Variants in DENND1B observed in about 807,000 individuals in gnomAD.
The protein encoded by DENND1B is DENN domain containing 1B.
DENND1B carries 59 observed loss-of-function variants against 90.1 expected under a neutral mutation model. That is an observed-to-expected ratio of 0.65 (90% CI 0.53 to 0.81). DENND1B has a LOEUF of 0.81. DENND1B is among the 40% of genes least tolerant of loss of function. The probability of loss-of-function intolerance (pLI) is 0.00; values close to 1 mark genes in which losing one functional copy is unlikely to be tolerated. For missense variants in DENND1B, 862 were observed against 912.6 expected (o/e 0.94, Z 0.71); for synonymous variants, 337 against 324.6 (o/e 1.04, Z -0.41).
intron 15 of DENND1B, among the ~76,000 whole-genome samples, chr1:197,578,276 GCT>G (rs1673876287): frequency 6.6e-6 from 1 of 152,018 alleles, no homozygotes; most frequent in Non-Finnish European, 1.5e-5. Flanking sequence ...ATGGAGTCTT[GCT>G]CTGTTGCCCA....
In DENND1B at chr1:197,652,286, T is replaced by C. The variant is rs372816973; in HGVS notation, c.396A>G (p.Ser132=). The C allele has an allele frequency of 1.5e-4, 237 of 1,611,468 alleles. No individual in the cohort carries two copies. Among genetic ancestry groups the C allele is most frequent in the Middle Eastern group, 3.3e-4 (2 of 6,076 alleles). Residue 132 remains serine (S), a synonymous_variant, in exon 7 of 23, where the codon TCA becomes TCG. Coordinates refer to ENST00000620048, the MANE Select transcript of DENND1B (RefSeq NM_001195215.2). ...LENDLNETLR[S]LYNHPVPKAN... ...CCTTTGGTACTGGGTGGTTATACAG[T>C]GATCTGAGAGTTTCATTCAAATCAT... is the stretch of plus-strand genomic sequence containing the variant.
At position 197,757,814 on chromosome 1, in the gene DENND1B, C is replaced by T. The variant is rs541489553; in HGVS notation, c.82+15054G>A. On this transcript the variant is annotated intron_variant, in intron 2 of 22. Coordinates refer to ENST00000620048, the MANE Select transcript of DENND1B (RefSeq NM_001195215.2). Reference sequence around the variant, plus strand: ...TTTTAATCATTCAGAAGTTGCAATACTTAGTATTTGTTTACACAGACCTCA... The same window carrying T: ...TTTTAATCATTCAGAAGTTGCAATATTTAGTATTTGTTTACACAGACCTCA... 2.0e-5 allele frequency among the ~76,000 whole-genome samples: 3 copies of T among 152,252 alleles called. No homozygotes were observed. The East Asian group carries it at 5.8e-4, about 29-fold the overall frequency.
chr1:197,745,455 G>C (rs374986893), intron 2 of DENND1B, among the ~76,000 whole-genome samples: 3 of 152,028 alleles, frequency 2.0e-5, no homozygotes, highest in African/African-American at 7.2e-5. Flanking sequence ...GAGAGGGAGA[G>C]AGATGGGGCA....
intron 6 of DENND1B, among the ~76,000 whole-genome samples, chr1:197,653,536 G>A (rs1226232138): frequency 6.6e-6 from 1 of 151,984 alleles, no homozygotes; most frequent in African/African-American, 2.4e-5. Context: ...ATAACCTATG[G>A]CACTGAATTA....
chr1:197,780,243 C>T (rs563406671), upstream of DENND1B, among the ~76,000 whole-genome samples: 1 of 152,080 alleles, frequency 6.6e-6, no homozygotes, highest in Admixed American at 6.5e-5. Context: ...TCTGAAGACC[C>T]ATAAGACCAT....
At chr1:197,545,689 C>T (rs535554709) in intron 18 of DENND1B, 6 of 400,524 alleles carry the variant, frequency 1.5e-5, no homozygotes, top group African/African-American at 6.3e-5. Context: ...ACAACTTTGC[C>T]GATAGCTTTG....
At chr1:197,536,951 G>A (rs1010659235) in intron 20 of DENND1B, among the ~76,000 whole-genome samples, 2 of 151,626 alleles carry the variant, frequency 1.3e-5, no homozygotes, top group African/African-American at 4.8e-5. Context: ...TGAGGCAGGA[G>A]AATGGCGTGA....
At chr1:197,676,235 C>A (rs998942243) in intron 3 of DENND1B, among the ~76,000 whole-genome samples, 11 of 152,064 alleles carry the variant, frequency 7.2e-5, no homozygotes, top group African/African-American at 2.2e-4. Context: ...TCCTTAATTA[C>A]AGGTGCTATT....
intron 3 of DENND1B, among the ~76,000 whole-genome samples, chr1:197,696,103 AT>A (rs1334277444): frequency 6.6e-6 from 1 of 151,446 alleles, no homozygotes; most frequent in East Asian, 1.9e-4. Context: ...TCATTATTAA[AT>A]ATAAAAACAA....
At chr1:197,576,465 C>T (rs1021510607) in intron 15 of DENND1B, among the ~76,000 whole-genome samples, 18 of 152,126 alleles carry the variant, frequency 1.2e-4, no homozygotes, top group Non-Finnish European at 2.6e-4. Context: ...TGACCAAGAA[C>T]ACAAAGCCAA....
rs78833577 is a variant in DENND1B at position 197,583,818 on chromosome 1, G to A, written c.1048-565C>T. Among the ~76,000 whole-genome samples, 893 of 152,210 alleles carry A rather than the reference G, an allele frequency of 5.9e-3. 13 individuals carry two copies. Among genetic ancestry groups the A allele is most frequent in the African/African-American group, 0.02 (835 of 41,552 alleles). The stretch of plus-strand genomic sequence containing the variant: ...GTTAAGTAATCATATTTTTGCAAGC[G>A]TCTTGTGGTAGCTCTACCAAATGCT... On this transcript the variant is annotated intron_variant, in intron 14 of 22. Transcript: ENST00000620048.
chr1:197,648,530 C>A (rs1680933171), intron 7 of DENND1B, among the ~76,000 whole-genome samples: 2 of 152,200 alleles, frequency 1.3e-5, no homozygotes, highest in South Asian at 2.1e-4. Context: ...CTCATTAATG[C>A]CACCTCCATT....
rs1668237669 is a variant in DENND1B at position 197,514,167 on chromosome 1, GA to G, written c.1516-1215del. 2.0e-5 allele frequency among the ~76,000 whole-genome samples: 3 copies of G among 151,632 alleles called. No individual in the cohort carries two copies. The South Asian group carries it at 6.2e-4, about 31-fold the overall frequency. On this transcript the variant is annotated intron_variant, in intron 20 of 22. Coordinates refer to ENST00000620048, the MANE Select transcript of DENND1B (RefSeq NM_001195215.2). ...ATCCACTATTTCATTAGGGGCTAAA[GA>G]ATTATGCTTTTCTAGAGCATTCCTT... is the stretch of plus-strand genomic sequence containing the variant.
At chr1:197,652,627 A>G (rs1653361738) in intron 6 of DENND1B, among the ~76,000 whole-genome samples, 2 of 152,116 alleles carry the variant, frequency 1.3e-5, no homozygotes, top group South Asian at 4.1e-4. Flanking sequence ...ATTAAATCCA[A>G]TAAGAACTGG....
intron 6 of DENND1B, among the ~76,000 whole-genome samples, chr1:197,657,630 T>C (rs1329396335): frequency 6.6e-6 from 1 of 152,148 alleles, no homozygotes; most frequent in African/African-American, 2.4e-5. Context: ...CCTTGTACAT[T>C]ACTGATGGGA....
rs1558185819 is a variant in DENND1B at position 197,510,761 on chromosome 1, T to C, written c.2027A>G (p.Asn676Ser). 2 of 1,612,570 alleles carry C rather than the reference T, an allele frequency of 1.2e-6. No homozygotes were observed. The highest frequency in any genetic ancestry group is 1.7e-4 in the Middle Eastern group (1 of 6,046). ...ENSNKHLGADNVSDPTSGLDF... is the reference protein window; with the variant it reads ...ENSNKHLGADSVSDPTSGLDF... ...CAGTCCTGAAGTAGGGTCACTCACA[T>C]TGTCAGCACCGAGGTGCTTGTTACT... Residue 676 changes from asparagine to serine, a missense_variant, in exon 23 of 23, where the codon AAT becomes AGT. Asn to Ser is a conservative substitution (Grantham distance 46). Transcript: ENST00000620048.
At chr1:197,685,114 T>C (rs1421853800) in intron 3 of DENND1B, among the ~76,000 whole-genome samples, 1 of 152,106 alleles carries the variant, frequency 6.6e-6, no homozygotes, top group Non-Finnish European at 1.5e-5. Flanking sequence ...TGAGACTCCA[T>C]CTCAAAAAAC....
intron 3 of DENND1B, among the ~76,000 whole-genome samples, chr1:197,703,533 C>G (rs1007412802): frequency 6.6e-6 from 1 of 152,100 alleles, no homozygotes; most frequent in African/African-American, 2.4e-5. Context: ...TATGGTATTA[C>G]TTTTCATCAT....
At chr1:197,512,072 A>G in intron 21 of DENND1B, 128 bp from the exon 22 acceptor site, 1 of 671,836 alleles carries the variant, frequency 1.5e-6, no homozygotes, top group East Asian at 2.8e-5. Flanking sequence ...TCATCACCAA[A>G]TTCTTTACCG....
Sources: allele counts gnomAD v4.1 joint callset (sites outside exome capture counted in the v4.1 genomes callset), GRCh38; gene constraint gnomAD v4.1.1; transcripts MANE v1.5; gene names NCBI Gene and HGNC (gene_info 2026-07-23, HGNC 2026-07-21).